Variants in TSPAN9 observed in about 807,000 individuals in gnomAD.
The protein encoded by TSPAN9 is tetraspanin 9.
In TSPAN9, 16 loss-of-function variants were observed where a neutral mutation model predicts 31.0. That is an observed-to-expected ratio of 0.52 (90% CI 0.35 to 0.78). The LOEUF (loss-of-function observed/expected upper bound fraction) is 0.78, where lower values mean the gene tolerates loss of function less well. TSPAN9 is among the 30% of genes least tolerant of loss of function. The pLI is 0.01. For synonymous variants in TSPAN9, 145 were observed against 121.6 expected, an observed-to-expected ratio of 1.19 and a Z score of -1.27; for missense variants, 272 against 312.5, an observed-to-expected ratio of 0.87 and a Z score of 0.98.
At position 3,121,533 on chromosome 12, in the gene TSPAN9, C is replaced by CTTTTT. The variant is rs59376087; in HGVS notation, c.-18+37835_-18+37839dup. Among the ~76,000 whole-genome samples, 697 of 92,850 alleles carry CTTTTT rather than the reference C, an allele frequency of 7.5e-3. 4 individuals are homozygous for CTTTTT. Among genetic ancestry groups the CTTTTT allele is most frequent in the Non-Finnish European group, 0.011 (542 of 50,724 alleles). 60.9% of individuals were successfully genotyped at this position (92,850 alleles called of 152,430 possible). A position where few individuals can be genotyped will look rare whatever the true frequency, so the allele number is the denominator to read the frequency against. ...TGCCACCATATCTGGCTAATTAAAA[C>CTTTTT]TTTTTTTTTTTTTTTTTTTTTTTTT... On this transcript the variant is annotated intron_variant, in intron 2 of 8. Transcript: ENST00000011898.
chr12:3,105,507 CCCAGGAGCCTAGG>C (rs1344296918), intron 2 of TSPAN9, among the ~76,000 whole-genome samples: 8 of 150,514 alleles, frequency 5.3e-5, no homozygotes, highest in Non-Finnish European at 1.0e-4. Flanking sequence ...AGGGAGGGAA[CCCAGGAGCCTAGG>C]CCTCTGTGCA....
intron 3 of TSPAN9, among the ~76,000 whole-genome samples, chr12:3,241,158 G>C (rs973447855): frequency 1.6e-4 from 25 of 152,148 alleles, no homozygotes; most frequent in Non-Finnish European, 4.4e-5. Flanking sequence ...CAGAAATGCT[G>C]TCAAAGATTT....
chr12:3,095,344 A>G (rs9737955), intron 2 of TSPAN9, among the ~76,000 whole-genome samples: 2 of 149,890 alleles, frequency 1.3e-5, no homozygotes, highest in Non-Finnish European at 3.0e-5. Flanking sequence ...ATTCCACAAA[A>G]CCGCCATTGT....
rs57812985 is a variant in TSPAN9 at position 3,081,844 on chromosome 12, G to GTGTATATATATA, written c.-84-1808_-84-1807insGTATATATATAT. 3.9e-4 allele frequency among the ~76,000 whole-genome samples: 46 copies of GTGTATATATATA among 116,766 alleles called. 1 individual carries two copies. In the East Asian group the frequency reaches 3.9e-3, roughly 10 times the overall value. The allele number at this position is 116,766 out of a possible 152,430, so 76.6% of individuals were successfully genotyped here. ...TGTGTGTGTGTGTGTGTCTGTGTGT[G>GTGTATATATATA]TATATATATGCCAGGTGTGGTGGTA... On this transcript the variant is annotated intron_variant, in intron 1 of 8. Transcript: ENST00000011898.
Position 3,201,169 on chromosome 12 carries a change from C to A in TSPAN9, c.-17-8C>A. ...TTTACCTGGACCTGTCCTTTGTGTTCCTCCTAGAATTTAAGAAGTGCAACA... is the reference window on the plus strand; with the variant it reads ...TTTACCTGGACCTGTCCTTTGTGTTACTCCTAGAATTTAAGAAGTGCAACA... On this transcript the variant is annotated splice_polypyrimidine_tract_variant and splice_region_variant and intron_variant, in intron 2 of 8. Transcript: ENST00000011898. 1 of 1,612,338 alleles carries A rather than the reference C, an allele frequency of 6.2e-7. No individual in the cohort carries two copies. The highest frequency in any genetic ancestry group is 8.5e-7 in the Non-Finnish European group (1 of 1,178,526).
intron 2 of TSPAN9, among the ~76,000 whole-genome samples, chr12:3,142,644 T>G (rs7973427): frequency 2.0e-5 from 3 of 151,930 alleles, no homozygotes; most frequent in African/African-American, 7.3e-5. Flanking sequence ...CCCTGCCCCC[T>G]GCGCCATGCT....
chr12:3,241,709 C>T (rs942516887), intron 3 of TSPAN9, among the ~76,000 whole-genome samples: 1 of 152,220 alleles, frequency 6.6e-6, no homozygotes, highest in African/African-American at 2.4e-5. Flanking sequence ...CCGTGACAGG[C>T]GCTGACCTTG....
intron 2 of TSPAN9, among the ~76,000 whole-genome samples, chr12:3,181,195 A>C: frequency 1.3e-5 from 2 of 152,202 alleles, no homozygotes; most frequent in East Asian, 3.9e-4. Flanking sequence ...GACTAATTGC[A>C]TTAGCCAGAA....
At chr12:3,213,548 T>C (rs7299353) in intron 3 of TSPAN9, among the ~76,000 whole-genome samples, 59,249 of 152,034 alleles carry the variant, frequency 0.39, 11,712 homozygotes, top group South Asian at 0.5. Flanking sequence ...GAGGGAGGAA[T>C]GCTGATGTGG....
intron 3 of TSPAN9, among the ~76,000 whole-genome samples, chr12:3,252,456 TCCCAGCCCCTGGGCTCCC>T (rs1174407530): frequency 6.6e-6 from 1 of 152,042 alleles, no homozygotes; most frequent in African/African-American, 2.4e-5. Flanking sequence ...CAGGGAGAAA[TCCCAGCCCCTGGGCTCCC>T]CCCAGCCCCA....
intron 3 of TSPAN9, among the ~76,000 whole-genome samples, chr12:3,257,711 A>G (rs946390144): frequency 1.6e-5 from 2 of 124,162 alleles, no homozygotes; most frequent in Admixed American, 2.1e-4. Context: ...CACCCTTTCT[A>G]CCTACTGTGA....
intron 3 of TSPAN9, among the ~76,000 whole-genome samples, chr12:3,205,519 C>G (rs2098374586): frequency 6.6e-6 from 1 of 152,140 alleles, no homozygotes; most frequent in African/African-American, 2.4e-5. Context: ...CCTCTGTGGG[C>G]TCGGGCTGAG....
chr12:3,147,311 C>T lies in TSPAN9; in HGVS notation c.-17-53866C>T, dbSNP rs901943710. ...GCCAGGGGCTGGAGAGAATGACAGG[C>T]GTCCCATGTATCCCAAAAATGCAGT... On this transcript the variant is annotated intron_variant, in intron 2 of 8. Coordinates refer to ENST00000011898, the MANE Select transcript of TSPAN9 (RefSeq NM_006675.5). This position sits in a 1 kb window ranked among gnomAD's most constrained non-coding sequence, Gnocchi z 4.3. Among the ~76,000 whole-genome samples the T allele has an allele frequency of 1.4e-4, 21 of 152,074 alleles. No homozygotes were observed. The highest frequency in any genetic ancestry group is 4.6e-4 in the Admixed American group (7 of 15,282).
chr12:3,232,784 G>A (rs1014430958), intron 3 of TSPAN9, among the ~76,000 whole-genome samples: 4 of 152,182 alleles, frequency 2.6e-5, no homozygotes, highest in African/African-American at 7.2e-5. Flanking sequence ...CACAGGAAGC[G>A]CAGCTCCAGC....
intron 2 of TSPAN9, among the ~76,000 whole-genome samples, chr12:3,179,397 C>T (rs927042053): frequency 6.6e-6 from 1 of 152,172 alleles, no homozygotes; most frequent in Non-Finnish European, 1.5e-5. Context: ...CTTCCTGTTG[C>T]ATTTTAAGCC....
Position 3,231,734 on chromosome 12 carries a change from C to T in TSPAN9, c.63+30478C>T, listed in dbSNP as rs577463527. Reference sequence around the variant, plus strand: ...CGGGCGGCGCCTTCAGATGATCTCCCGGCTCGGGTTACTTGTTGGCTCTGG... The same window carrying T: ...CGGGCGGCGCCTTCAGATGATCTCCTGGCTCGGGTTACTTGTTGGCTCTGG... On this transcript the variant is annotated intron_variant, in intron 3 of 8. Coordinates refer to ENST00000011898, the MANE Select transcript of TSPAN9 (RefSeq NM_006675.5). Among the ~76,000 whole-genome samples the T allele has an allele frequency of 7.2e-5, 11 of 152,360 alleles. No homozygotes were observed. In the South Asian group the frequency reaches 8.3e-4, roughly 11 times the overall value.
At chr12:3,165,499 GGGGGA>G (rs1306830384) in intron 2 of TSPAN9, among the ~76,000 whole-genome samples, 6 of 152,238 alleles carry the variant, frequency 3.9e-5, no homozygotes, top group Non-Finnish European at 8.8e-5. Context: ...CTTATTTCAC[GGGGGA>G]GTCCAGAAGT....
At chr12:3,194,770 C>T (rs867661315) in intron 2 of TSPAN9, among the ~76,000 whole-genome samples, 2 of 152,170 alleles carry the variant, frequency 1.3e-5, no homozygotes, top group Non-Finnish European at 2.9e-5. Flanking sequence ...TTTTCTACCC[C>T]AACCCTTTCA....
At chr12:3,121,326 A>C (rs2098324948) in intron 2 of TSPAN9, among the ~76,000 whole-genome samples, 1 of 93,742 alleles carries the variant, frequency 1.1e-5, no homozygotes. Context: ...CATACTGGAG[A>C]GATTTTTCAA....
Sources: allele counts gnomAD v4.1 joint callset (sites outside exome capture counted in the v4.1 genomes callset), GRCh38; gene constraint gnomAD v4.1.1; non-coding constraint Gnocchi (gnomAD v3.1); transcripts MANE v1.5; gene names NCBI Gene and HGNC (gene_info 2026-07-23, HGNC 2026-07-21).